CHCHD3: variants seen among roughly 807,000 people sequenced by gnomAD.
The protein encoded by CHCHD3 is MICOS complex subunit MIC19.
In CHCHD3, 20 loss-of-function variants were observed where a neutral mutation model predicts 38.2. The ratio of observed to expected loss-of-function variants is 0.52; its 90% CI spans 0.37 to 0.76. CHCHD3 has a LOEUF of 0.76. CHCHD3 is among the 30% of genes least tolerant of loss of function. The pLI is 0.00. For synonymous variants in CHCHD3, 82 were observed against 100.0 expected (o/e 0.82, Z 1.07); for missense variants, 245 against 279.2 (o/e 0.88, Z 0.87).
At position 133,014,664 on chromosome 7, in the gene CHCHD3, TC is replaced by T. The variant is rs1326382471; in HGVS notation, c.251+9881del. 2.8e-5 allele frequency among the ~76,000 whole-genome samples: 4 copies of T among 140,878 alleles called. No homozygotes were observed. In the East Asian group the frequency reaches 8.2e-4, roughly 29 times the overall value. The allele number at this position is 140,878 out of a possible 152,430, so 92.4% of individuals were successfully genotyped here. A position where few individuals can be genotyped will look rare whatever the true frequency, so the allele number is the denominator to read the frequency against. On this transcript the variant is annotated intron_variant, in intron 3 of 7. Transcript: ENST00000262570. ...ATAAAATAACAGAATAAGCCAGTCT[TC>T]CATTTTAAAAAAAAAAAAGTCTAAG...
At chr7:133,020,294 T>C (rs1487908604) in intron 3 of CHCHD3, among the ~76,000 whole-genome samples, 1 of 152,164 alleles carries the variant, frequency 6.6e-6, no homozygotes, top group Non-Finnish European at 1.5e-5. Context: ...CACTGTGGCC[T>C]TAGTAAGAAA....
intron 2 of CHCHD3, among the ~76,000 whole-genome samples, chr7:133,056,719 G>C (rs1814347977): frequency 6.6e-6 from 1 of 152,126 alleles, no homozygotes; most frequent in African/African-American, 2.4e-5. Flanking sequence ...GGCCCTGGAT[G>C]CTTCTGTGTT....
chr7:132,964,820 G>A (rs1431985350), intron 4 of CHCHD3, among the ~76,000 whole-genome samples: 2 of 152,158 alleles, frequency 1.3e-5, no homozygotes, highest in Non-Finnish European at 2.9e-5. Flanking sequence ...ATAAGAGAAT[G>A]TTTTTAAATA....
rs141751145 is a variant in CHCHD3 at position 132,993,924 on chromosome 7, T to C, written c.252-18638A>G. ...AAATTGATAGCAGAAGGTGCAGAGA[T>C]GCTTCAAGTCTCCAACTCCCAGAAT... is the stretch of plus-strand genomic sequence containing the variant. On this transcript the variant is annotated intron_variant, in intron 3 of 7. Transcript: ENST00000262570. Among the ~76,000 whole-genome samples the C allele has an allele frequency of 1.4e-4, 21 of 152,320 alleles. No individual in the cohort carries two copies. The East Asian group carries it at 4.1e-3, about 29-fold the overall frequency.
rs563775317 is a variant in CHCHD3 at position 132,910,412 on chromosome 7, G to A, written c.370-24667C>T. Among the ~76,000 whole-genome samples the A allele has an allele frequency of 2.0e-5, 3 of 152,312 alleles. No homozygotes were observed. In the South Asian group the frequency reaches 6.2e-4, roughly 32 times the overall value. On this transcript the variant is annotated intron_variant, in intron 4 of 7. Transcript: ENST00000262570. ...TCAGGCTCCTGACAGACACAAGTAG[G>A]TTTAACTAAATGCATACTCTTTATT...
At chr7:132,800,875 C>T (rs1400404839) in intron 6 of CHCHD3, among the ~76,000 whole-genome samples, 2 of 151,778 alleles carry the variant, frequency 1.3e-5, no homozygotes. Context: ...TTTTTTTTAA[C>T]AGGTTCTGAT....
intron 4 of CHCHD3, among the ~76,000 whole-genome samples, chr7:132,968,444 A>T (rs775700532): frequency 1.3e-5 from 2 of 152,224 alleles, no homozygotes; most frequent in Non-Finnish European, 2.9e-5. Context: ...GAAATACCAT[A>T]TTTCAATAGT....
intron 4 of CHCHD3, among the ~76,000 whole-genome samples, chr7:132,902,441 G>A (rs185835512): frequency 8.5e-4 from 130 of 152,290 alleles, no homozygotes; most frequent in African/African-American, 3.0e-3. Flanking sequence ...ATGATAGACT[G>A]GATTAAGAAA....
chr7:132,875,233 A>G (rs1307478897), intron 5 of CHCHD3, among the ~76,000 whole-genome samples: 1 of 152,168 alleles, frequency 6.6e-6, no homozygotes, highest in Non-Finnish European at 1.5e-5. Flanking sequence ...GCCTGTAGAA[A>G]AGAAATCTGT....
At position 133,032,210 on chromosome 7, in the gene CHCHD3, C is replaced by T. The variant is rs1281178198; in HGVS notation, c.170-7583G>A. ...ATAAACCTGATTTAAACCAGGCACA[C>T]AGAGAATATAGGTATATTCAGCTGA... On this transcript the variant is annotated intron_variant, in intron 2 of 7. Transcript: ENST00000262570. Among the ~76,000 whole-genome samples the T allele has an allele frequency of 2.0e-5, 3 of 152,148 alleles. No homozygotes were observed. In the East Asian group the frequency reaches 5.8e-4, roughly 29 times the overall value.
At chr7:132,968,272 C>T (rs912623262) in intron 4 of CHCHD3, among the ~76,000 whole-genome samples, 8 of 152,198 alleles carry the variant, frequency 5.3e-5, no homozygotes, top group African/African-American at 1.9e-4. Flanking sequence ...GGGCTCCCAC[C>T]TGTCGTGAGG....
intron 4 of CHCHD3, among the ~76,000 whole-genome samples, chr7:132,950,887 A>G (rs939291418): frequency 1.3e-5 from 2 of 152,212 alleles, no homozygotes; most frequent in African/African-American, 4.8e-5. Context: ...ATGCCCTAGT[A>G]GAAATTATTT....
intron 4 of CHCHD3, among the ~76,000 whole-genome samples, chr7:132,936,167 T>C (rs1028843665): frequency 3.9e-5 from 6 of 152,296 alleles, no homozygotes; most frequent in Non-Finnish European, 1.5e-5. Flanking sequence ...GTGGAGTTAG[T>C]ATAGTGCCCG....
intron 5 of CHCHD3, among the ~76,000 whole-genome samples, chr7:132,885,196 G>A (rs1039468219): frequency 2.0e-5 from 3 of 152,116 alleles, no homozygotes; most frequent in Non-Finnish European, 4.4e-5. Flanking sequence ...AGGTTGCAGT[G>A]AACCAAGATC....
At chr7:132,934,910 T>A (rs1411486779) in intron 4 of CHCHD3, among the ~76,000 whole-genome samples, 1 of 152,150 alleles carries the variant, frequency 6.6e-6, no homozygotes, top group African/African-American at 2.4e-5. Flanking sequence ...TCCCGCACAA[T>A]ATGGAAAAGA....
chr7:132,894,971 A>T (rs1809457545), intron 4 of CHCHD3, among the ~76,000 whole-genome samples: 1 of 152,220 alleles, frequency 6.6e-6, no homozygotes, highest in Non-Finnish European at 1.5e-5. Context: ...TCAGTCATCC[A>T]TGTCTTAATC....
At chr7:132,973,966 C>A in intron 4 of CHCHD3, 1 of 1,286,452 alleles carries the variant, frequency 7.8e-7, no homozygotes, top group Non-Finnish European at 1.0e-6. Context: ...CTAGGAAGGC[C>A]GAAGTGGAGG....
intron 2 of CHCHD3, among the ~76,000 whole-genome samples, chr7:133,050,117 C>T (rs1238641284): frequency 1.3e-5 from 2 of 151,762 alleles, no homozygotes; most frequent in Non-Finnish European, 2.9e-5. Context: ...GAGGCTGAGG[C>T]GGGAGGATCA....
chr7:132,910,139 G>A (rs958771262), intron 4 of CHCHD3, among the ~76,000 whole-genome samples: 5 of 152,282 alleles, frequency 3.3e-5, no homozygotes, highest in Middle Eastern at 3.4e-3. Flanking sequence ...GGCCAACTGT[G>A]GGACTTAAAT....
Sources: gnomAD v4.1 joint callset for allele counts (sites outside exome capture counted in the v4.1 genomes callset) on GRCh38, gnomAD v4.1.1 for gene constraint, MANE v1.5 for transcripts, NCBI Gene and HGNC (gene_info 2026-07-23, HGNC 2026-07-21) for gene names.